Variants in OPCML observed in about 807,000 individuals in gnomAD.
OPCML encodes opioid-binding protein/cell adhesion molecule.
A neutral mutation model predicts 37.8 loss-of-function variants in OPCML; 13 were observed. The observed-to-expected ratio is 0.34, with a 90% CI of 0.22 to 0.55. The LOEUF (loss-of-function observed/expected upper bound fraction) is 0.55. Among genes scored for constraint, OPCML ranks in the 20% least tolerant of loss-of-function variants. The pLI, the probability that OPCML is intolerant of heterozygous loss-of-function variation, is 0.91. For missense variants in OPCML, 341 were observed against 435.6 expected (o/e 0.78, Z 1.93); for synonymous variants, 176 against 168.8 (o/e 1.04, Z -0.33).
chr11:133,331,350 A>G, intron 1 of OPCML, among the ~76,000 whole-genome samples: 1 of 152,160 alleles, frequency 6.6e-6, no homozygotes, highest in East Asian at 1.9e-4. Flanking sequence ...CAATCATGCA[A>G]TGTAGGCTCC....
In OPCML at chr11:132,943,794, G is replaced by T. The variant is rs1591834486; in HGVS notation, c.62-784C>A. The stretch of plus-strand genomic sequence containing the variant: ...AGGCTCCGGGCGCACGGGGAGCTGG[G>T]CGGACGGCGGCCCCCGCCTCCTCCG... On this transcript the variant is annotated intron_variant, in intron 1 of 7. Transcript: ENST00000524381. The surrounding 1 kb of genome is among the most constrained non-coding windows in gnomAD (Gnocchi z 4.3). The T allele has an allele frequency of 6.7e-6, 1 of 150,172 alleles. No individual in the cohort carries two copies. The highest frequency in any genetic ancestry group is 2.4e-5 in the African/African-American group (1 of 41,206). 9.3% of individuals were successfully genotyped at this position (150,172 alleles called of 1,614,324 possible).
chr11:133,209,789 C>T (rs532318543), intron 1 of OPCML, among the ~76,000 whole-genome samples: 2 of 152,284 alleles, frequency 1.3e-5, no homozygotes, highest in East Asian at 3.9e-4. Context: ...GACTGTAAGG[C>T]AGAACTCATT....
intron 1 of OPCML, among the ~76,000 whole-genome samples, chr11:133,100,687 CAGA>C (rs113449183): frequency 0.019 from 2,930 of 152,212 alleles, 78 homozygotes; most frequent in African/African-American, 0.062. Flanking sequence ...TGATCCATGA[CAGA>C]AGACCAAAGG....
intron 1 of OPCML, among the ~76,000 whole-genome samples, chr11:133,458,562 C>T (rs1316679929): frequency 3.9e-5 from 4 of 102,676 alleles, no homozygotes; most frequent in Admixed American, 3.4e-4. Flanking sequence ...TGTGTGTATA[C>T]ACATATATAC....
intron 1 of OPCML, among the ~76,000 whole-genome samples, chr11:133,481,828 G>A (rs1034891607): frequency 4.6e-5 from 7 of 152,220 alleles, no homozygotes; most frequent in African/African-American, 1.7e-4. Flanking sequence ...TCAACGGGAT[G>A]GAGGAGTACA....
At chr11:132,961,700 C>T (rs970105527) in intron 1 of OPCML, among the ~76,000 whole-genome samples, 1 of 152,226 alleles carries the variant, frequency 6.6e-6, no homozygotes, top group South Asian at 2.1e-4. Context: ...CGATGAGCCC[C>T]TTTGACTGAT....
chr11:132,598,427 C>G (rs753503926), intron 3 of OPCML, among the ~76,000 whole-genome samples: 6 of 152,106 alleles, frequency 3.9e-5, no homozygotes, highest in Non-Finnish European at 8.8e-5. Context: ...CTCAATATCT[C>G]AAACTATTAC....
chr11:132,790,282 T>G (rs1050678262), intron 2 of OPCML, among the ~76,000 whole-genome samples: 1 of 152,154 alleles, frequency 6.6e-6, no homozygotes, highest in Non-Finnish European at 1.5e-5. Flanking sequence ...AAACAATAGG[T>G]TCTAGTGTTC....
At chr11:133,412,803 G>A (rs533426910) in intron 1 of OPCML, among the ~76,000 whole-genome samples, 1 of 152,308 alleles carries the variant, frequency 6.6e-6, no homozygotes, top group South Asian at 2.1e-4. Flanking sequence ...GAGAGTCTGA[G>A]AAGTCTCTTT....
At chr11:132,672,437 G>T (rs1472517221) in intron 2 of OPCML, among the ~76,000 whole-genome samples, 1 of 152,170 alleles carries the variant, frequency 6.6e-6, no homozygotes, top group African/African-American at 2.4e-5. Context: ...CATTTTCAAA[G>T]ACCATCTCCC....
At chr11:133,274,245 T>C (rs1941930623) in intron 1 of OPCML, among the ~76,000 whole-genome samples, 1 of 152,188 alleles carries the variant, frequency 6.6e-6, no homozygotes, top group Non-Finnish European at 1.5e-5. Flanking sequence ...TCCTATTACC[T>C]GGTCCCTCAT....
chr11:133,211,385 C>CA lies in OPCML; in HGVS notation c.62-268376dup, dbSNP rs1345075332. Among the ~76,000 whole-genome samples, 2 of 152,202 alleles carry CA rather than the reference C, an allele frequency of 1.3e-5. No homozygotes were observed. The highest frequency in any genetic ancestry group is 2.9e-5 in the Non-Finnish European group (2 of 68,030). On this transcript the variant is annotated intron_variant, in intron 1 of 7. Coordinates refer to ENST00000524381, the MANE Select transcript of OPCML (RefSeq NM_001012393.5). The surrounding 1 kb of genome is among the most constrained non-coding windows in gnomAD (Gnocchi z 4.1). ...GGGAAGTTCTGAATCCTCTCCCTCT[C>CA]AAACTGGGAACAATAAGGCTTCAGA...
At chr11:132,437,080 G>A (rs1451054590) in intron 5 of OPCML, 142 bp downstream of exon 5, 1 of 1,392,076 alleles carries the variant, frequency 7.2e-7, no homozygotes, top group African/African-American at 1.4e-5. Flanking sequence ...CGGAGGCCAT[G>A]GTGGGCAAAG....
At chr11:133,378,413 G>A (rs1367605497) in intron 1 of OPCML, among the ~76,000 whole-genome samples, 1 of 152,022 alleles carries the variant, frequency 6.6e-6, no homozygotes, top group African/African-American at 2.4e-5. Context: ...GTGATGGTGG[G>A]CAGCACAAAT....
At chr11:132,866,597 C>A (rs1942568607) in intron 2 of OPCML, among the ~76,000 whole-genome samples, 1 of 152,142 alleles carries the variant, frequency 6.6e-6, no homozygotes, top group Non-Finnish European at 1.5e-5. Context: ...GTTTTGGATG[C>A]ATTATACATT....
At chr11:132,440,061 T>C (rs1345386161) in intron 4 of OPCML, among the ~76,000 whole-genome samples, 1 of 152,166 alleles carries the variant, frequency 6.6e-6, no homozygotes, top group Non-Finnish European at 1.5e-5. Flanking sequence ...CCCGTGTGCA[T>C]TTACATGGGT....
intron 1 of OPCML, among the ~76,000 whole-genome samples, chr11:133,237,942 A>G (rs1940583911): frequency 6.6e-6 from 1 of 152,234 alleles, no homozygotes; most frequent in African/African-American, 2.4e-5. Flanking sequence ...TTATTGCGTT[A>G]TTATTACATG....
At chr11:133,218,728 C>T (rs780091292) in intron 1 of OPCML, among the ~76,000 whole-genome samples, 9 of 152,144 alleles carry the variant, frequency 5.9e-5, no homozygotes, top group African/African-American at 2.2e-4. Context: ...TAGGATTATC[C>T]CATTTTACTC....
Position 132,850,967 on chromosome 11 carries a change from T to C in OPCML, c.146+91959A>G, listed in dbSNP as rs1295165013. 2.0e-5 allele frequency among the ~76,000 whole-genome samples: 3 copies of C among 152,244 alleles called. No individual in the cohort carries two copies. In the East Asian group the frequency reaches 5.8e-4, roughly 30 times the overall value. ...ACAGAGGTTATTCACTTGGGGCCCA[T>C]AGGCCCCCATGGGGTCTGCGAATAG... On this transcript the variant is annotated intron_variant, in intron 2 of 7. Transcript: ENST00000524381.
Sources: gnomAD v4.1 joint callset for allele counts (sites outside exome capture counted in the v4.1 genomes callset) on GRCh38, gnomAD v4.1.1 for gene constraint, Gnocchi (gnomAD v3.1) non-coding constraint, MANE v1.5 for transcripts, NCBI Gene and HGNC (gene_info 2026-07-23, HGNC 2026-07-21) for gene names.